Variants in SLC1A1 observed in about 807,000 individuals in gnomAD.
SLC1A1 encodes excitatory amino acid transporter 3.
In SLC1A1, 43 loss-of-function variants were observed where a neutral mutation model predicts 53.3. The observed-to-expected ratio is 0.81, with a 90% confidence interval of 0.63 to 1.04. The LOEUF is 1.04. Ranked by LOEUF, SLC1A1 falls within the 50% of genes least tolerant of loss-of-function variation. SLC1A1 has a pLI of 0.00. For missense variants in SLC1A1, 748 were observed against 664.9 expected, an observed-to-expected ratio of 1.12 and a Z score of -1.37; for synonymous variants, 307 against 243.2, an observed-to-expected ratio of 1.26 and a Z score of -2.44.
Position 4,537,278 on chromosome 9 carries a change from G to A in SLC1A1, c.92-7289G>A, listed in dbSNP as rs575375538. On this transcript the variant is annotated intron_variant, in intron 1 of 11. Coordinates refer to ENST00000262352, the MANE Select transcript of SLC1A1 (RefSeq NM_004170.6). ...ATTGCTTTTTAAAAAAATCACATGC[G>A]GCCGGGCGCGGTGGCTCACGCCTGT... 2.4e-4 allele frequency among the ~76,000 whole-genome samples: 10 copies of A among 40,992 alleles called. 2 individuals are homozygous for A. The highest frequency in any genetic ancestry group is 7.7e-4 in the African/African-American group (8 of 10,324). 26.9% of individuals were successfully genotyped at this position (40,992 alleles called of 152,430 possible). A position where few individuals can be genotyped will look rare whatever the true frequency, so the allele number is the denominator to read the frequency against.
intron 1 of SLC1A1, among the ~76,000 whole-genome samples, chr9:4,536,931 A>T: frequency 6.6e-6 from 1 of 151,960 alleles, no homozygotes; most frequent in Non-Finnish European, 1.5e-5. Context: ...TTCTCAGCAA[A>T]CTATTGCAAG....
intron 1 of SLC1A1, among the ~76,000 whole-genome samples, chr9:4,519,584 T>G (rs191477587): frequency 1.2e-4 from 18 of 152,338 alleles, no homozygotes; most frequent in Non-Finnish European, 2.2e-4. Flanking sequence ...TCATAAATAT[T>G]TATTGAGCCT....
At chr9:4,495,506 G>A (rs117937221) in intron 1 of SLC1A1, among the ~76,000 whole-genome samples, 1,843 of 152,266 alleles carry the variant, frequency 0.012, 18 homozygotes, top group Middle Eastern at 0.024. Flanking sequence ...GGGCTGGCAA[G>A]GTGGGGGGTT....
At chr9:4,496,519 C>CTTGTT (rs893770858) in intron 1 of SLC1A1, among the ~76,000 whole-genome samples, 1 of 151,954 alleles carries the variant, frequency 6.6e-6, no homozygotes, top group African/African-American at 2.4e-5. Flanking sequence ...TGCACTCAGC[C>CTTGTT]TTGTTTTGTT....
chr9:4,490,751 C>T lies in SLC1A1; in HGVS notation c.72C>T (p.Thr24=). ...FLKNNWVLLS[T]VAAVVLGITT... ...AGAATAACTGGGTGTTGCTGTCCAC[C>T]GTGGCCGCGGTGGTGCTAGGTGAGC... The change falls in exon 1 of 12, where the codon ACC becomes ACT. Residue 24 remains threonine (T), a synonymous_variant. Transcript: ENST00000262352. The T allele has an allele frequency of 6.2e-7, 1 of 1,612,458 alleles. No homozygotes were observed. The highest frequency in any genetic ancestry group is 1.7e-4 in the Middle Eastern group (1 of 6,056).
chr9:4,534,825 C>G (rs1270693913), intron 1 of SLC1A1, among the ~76,000 whole-genome samples: 1 of 152,082 alleles, frequency 6.6e-6, no homozygotes, highest in Non-Finnish European at 1.5e-5. Flanking sequence ...ACTGGCAAAC[C>G]AAATCCAGCA....
At chr9:4,490,846 G>C in intron 1 of SLC1A1, 76 bp downstream of exon 1, 2 of 1,290,552 alleles carry the variant, frequency 1.5e-6, no homozygotes, top group Middle Eastern at 2.0e-4. Flanking sequence ...GGCTGAGGGT[G>C]GGCTTGGCGC....
chr9:4,538,680 A>T (rs182237820), intron 1 of SLC1A1, among the ~76,000 whole-genome samples: 184 of 152,366 alleles, frequency 1.2e-3, no homozygotes, highest in Admixed American at 3.3e-3. Flanking sequence ...GGATTTGAAA[A>T]TAAAAAATAA....
intron 1 of SLC1A1, among the ~76,000 whole-genome samples, chr9:4,514,336 G>A (rs1253811779): frequency 6.6e-6 from 1 of 152,150 alleles, no homozygotes; most frequent in East Asian, 1.9e-4. Context: ...ACCTTGAGTG[G>A]CCTGATGCTG....
intron 5 of SLC1A1, among the ~76,000 whole-genome samples, chr9:4,566,685 AAAG>A (rs1483359377): frequency 2.0e-5 from 3 of 152,220 alleles, no homozygotes; most frequent in African/African-American, 7.2e-5. Flanking sequence ...ATGTCTCTAA[AAAG>A]AAATAATTTA....
intron 1 of SLC1A1, among the ~76,000 whole-genome samples, chr9:4,502,022 T>C (rs1360154163): frequency 6.6e-6 from 1 of 151,694 alleles, no homozygotes; most frequent in Non-Finnish European, 1.5e-5. Flanking sequence ...AATAAACTGA[T>C]ACTGTTCAAC....
chr9:4,498,220 G>C (rs1820507202), intron 1 of SLC1A1, among the ~76,000 whole-genome samples: 1 of 152,140 alleles, frequency 6.6e-6, no homozygotes, highest in Non-Finnish European at 1.5e-5. Flanking sequence ...AAATGACCTA[G>C]ACATTGAGTC....
intron 1 of SLC1A1, among the ~76,000 whole-genome samples, chr9:4,519,424 T>G (rs1417066576): frequency 6.6e-6 from 1 of 152,228 alleles, no homozygotes; most frequent in East Asian, 1.9e-4. Context: ...CATAGGTAAG[T>G]ATGCATGTGG....
At chr9:4,491,106 G>C (rs186200656) in intron 1 of SLC1A1, among the ~76,000 whole-genome samples, 3 of 152,238 alleles carry the variant, frequency 2.0e-5, no homozygotes, top group Non-Finnish European at 4.4e-5. Context: ...TTTTTTCTTT[G>C]TTAATCCCGC....
intron 1 of SLC1A1, among the ~76,000 whole-genome samples, chr9:4,541,952 G>A (rs1817050347): frequency 6.6e-6 from 1 of 152,102 alleles, no homozygotes; most frequent in African/African-American, 2.4e-5. Context: ...TTGGGACCTG[G>A]AAAATCTTCT....
intron 6 of SLC1A1, among the ~76,000 whole-genome samples, chr9:4,570,582 G>A (rs1276276408): frequency 2.6e-5 from 4 of 152,006 alleles, no homozygotes; most frequent in South Asian, 4.2e-4. Context: ...TGTTGGCCAG[G>A]CTGGTCTTGA....
At chr9:4,540,863 T>G (rs1816944300) in intron 1 of SLC1A1, among the ~76,000 whole-genome samples, 1 of 152,212 alleles carries the variant, frequency 6.6e-6, no homozygotes, top group Admixed American at 6.5e-5. Context: ...CAGAGGTGAT[T>G]AGAGGCATTA....
chr9:4,535,675 C>A (rs1249340834), intron 1 of SLC1A1, among the ~76,000 whole-genome samples: 6 of 152,192 alleles, frequency 3.9e-5, no homozygotes. Flanking sequence ...ATCAAGCTAC[C>A]AATGACTTTC....
intron 10 of SLC1A1, among the ~76,000 whole-genome samples, chr9:4,582,198 G>A (rs376790424): frequency 6.6e-6 from 1 of 152,232 alleles, no homozygotes; most frequent in African/African-American, 2.4e-5. Flanking sequence ...TAAAGAGACT[G>A]CACATTACAA....
Sources: gnomAD v4.1 joint callset for allele counts (sites outside exome capture counted in the v4.1 genomes callset) on GRCh38, gnomAD v4.1.1 for gene constraint, MANE v1.5 for transcripts, NCBI Gene and HGNC (gene_info 2026-07-23, HGNC 2026-07-21) for gene names.